Variants in PHACTR3 observed in about 807,000 individuals in gnomAD.
The protein encoded by PHACTR3 is protein phosphatase 1, regulatory subunit 123.
In PHACTR3, 16 loss-of-function variants were observed where a neutral mutation model predicts 66.8. That is an observed-to-expected ratio of 0.24 (90% CI 0.16 to 0.36). The LOEUF is 0.36. Ranked by LOEUF, PHACTR3 falls within the 10% of genes least tolerant of loss-of-function variation. PHACTR3 has a pLI of 1.00. For synonymous variants in PHACTR3, 323 were observed against 292.1 expected (o/e 1.11, Z -1.08); for missense variants, 647 against 719.9 (o/e 0.90, Z 1.16).
At chr20:59,739,307 C>G (rs1290995579) in intron 1 of PHACTR3, among the ~76,000 whole-genome samples, 1 of 152,192 alleles carries the variant, frequency 6.6e-6, no homozygotes, top group Non-Finnish European at 1.5e-5. Context: ...TGTGGAGCAT[C>G]TGTGGACACA....
At chr20:59,669,101 A>G (rs192209243) in intron 1 of PHACTR3, among the ~76,000 whole-genome samples, 88 of 152,084 alleles carry the variant, frequency 5.8e-4, no homozygotes, top group Non-Finnish European at 3.7e-4. Flanking sequence ...TGCCTCTGCC[A>G]TTTGCATGCT....
intron 7 of PHACTR3, among the ~76,000 whole-genome samples, chr20:59,782,746 G>T (rs1260641341): frequency 6.6e-6 from 1 of 152,044 alleles, no homozygotes; most frequent in Non-Finnish European, 1.5e-5. Flanking sequence ...TCTCCCATTG[G>T]GTCCCTCCCA....
intron 1 of PHACTR3, among the ~76,000 whole-genome samples, chr20:59,667,822 G>A (rs2036043495): frequency 6.6e-6 from 1 of 152,238 alleles, no homozygotes; most frequent in Non-Finnish European, 1.5e-5. Flanking sequence ...TGTGTCACGA[G>A]AAGGGGCAGG....
chr20:59,604,282 G>C (rs920607527), upstream of PHACTR3, among the ~76,000 whole-genome samples: 3 of 152,130 alleles, frequency 2.0e-5, no homozygotes, highest in African/African-American at 7.2e-5. Context: ...GGCTCTCAGG[G>C]TTCCCTTTCC....
intron 1 of PHACTR3, among the ~76,000 whole-genome samples, chr20:59,654,482 G>C (rs1285013454): frequency 6.6e-6 from 1 of 152,092 alleles, no homozygotes; most frequent in Admixed American, 6.5e-5. Flanking sequence ...TAACCTGAAT[G>C]TACTGATCTC....
At chr20:59,757,831 G>T (rs1258716208) in intron 4 of PHACTR3, among the ~76,000 whole-genome samples, 1 of 152,188 alleles carries the variant, frequency 6.6e-6, no homozygotes, top group East Asian at 1.9e-4. Flanking sequence ...TTAGCTGAGT[G>T]TGTGGGCACA....
In PHACTR3 at chr20:59,785,242, C is replaced by T. The variant is rs538183000; in HGVS notation, c.1174+10752C>T. Among the ~76,000 whole-genome samples the T allele has an allele frequency of 3.3e-5, 5 of 152,256 alleles. No individual in the cohort carries two copies. The East Asian group carries it at 5.8e-4, about 18-fold the overall frequency. ...GCCTCTCTCTGTGTCTTTATAGGGC[C>T]GTTCCCCTGTGTGCTGGTTGGTGAG... is the stretch of plus-strand genomic sequence containing the variant. On this transcript the variant is annotated intron_variant, in intron 7 of 12. Coordinates refer to ENST00000371015, the MANE Select transcript of PHACTR3 (RefSeq NM_080672.5).
At chr20:59,612,021 G>A (rs528438132) in intron 1 of PHACTR3, among the ~76,000 whole-genome samples, 23 of 152,278 alleles carry the variant, frequency 1.5e-4, no homozygotes, top group African/African-American at 4.3e-4. Context: ...TGGCCAAAGC[G>A]TGCCGGAGGG....
intron 8 of PHACTR3, among the ~76,000 whole-genome samples, chr20:59,828,870 G>A (rs1340293268): frequency 2.6e-5 from 4 of 152,122 alleles, no homozygotes; most frequent in African/African-American, 9.7e-5. Flanking sequence ...GGTGGACAGT[G>A]TGGAAGTCTC....
intron 7 of PHACTR3, among the ~76,000 whole-genome samples, chr20:59,785,150 C>T (rs1319773415): frequency 6.6e-6 from 1 of 152,164 alleles, no homozygotes; most frequent in African/African-American, 2.4e-5. Context: ...ATGCCTGAAA[C>T]GACAGACGTT....
intron 1 of PHACTR3, among the ~76,000 whole-genome samples, chr20:59,633,686 C>T (rs561614904): frequency 3.9e-4 from 60 of 152,106 alleles, no homozygotes; most frequent in Non-Finnish European, 6.9e-4. Flanking sequence ...TTTAATATTG[C>T]CTGGGTTTTT....
chr20:59,579,008 C>G (rs749307916), intron 1 of PHACTR3, among the ~76,000 whole-genome samples: 12 of 152,178 alleles, frequency 7.9e-5, no homozygotes, highest in Admixed American at 2.6e-4. Context: ...GGCAGAAGCC[C>G]CTCCCCCAGT....
intron 1 of PHACTR3, among the ~76,000 whole-genome samples, chr20:59,742,309 G>A (rs922156873): frequency 1.3e-5 from 2 of 152,208 alleles, no homozygotes; most frequent in African/African-American, 4.8e-5. Context: ...CCCTGTGGAC[G>A]GGTATGTAGG....
chr20:59,594,901 C>A (rs2033279667), intron 1 of PHACTR3, among the ~76,000 whole-genome samples: 1 of 152,078 alleles, frequency 6.6e-6, no homozygotes, highest in Admixed American at 6.6e-5. Context: ...TTAGATCTTT[C>A]TTCTTTTCTA....
chr20:59,842,885 CA>C (rs1219789878), intron 11 of PHACTR3, among the ~76,000 whole-genome samples: 1 of 151,958 alleles, frequency 6.6e-6, no homozygotes, highest in Non-Finnish European at 1.5e-5. Context: ...CTAGCCAGAG[CA>C]ATCGAGCAAC....
intron 1 of PHACTR3, among the ~76,000 whole-genome samples, chr20:59,678,098 C>G (rs370243536): frequency 1.5e-4 from 23 of 152,270 alleles, no homozygotes; most frequent in African/African-American, 5.5e-4. Flanking sequence ...TGAGCCGAGC[C>G]CATAGGTAGC....
Position 59,806,142 on chromosome 20 carries a change from A to G in PHACTR3, c.1276A>G (p.Thr426Ala). 6.2e-7 allele frequency: 1 copy of G among 1,614,252 alleles called. No homozygotes were observed. Residue 426 changes from threonine to alanine, a missense_variant, in exon 8 of 13, where the codon ACT (threonine) becomes GCT (alanine). By Grantham distance (58) the Thr-to-Ala change is moderately conservative. Transcript: ENST00000371015. ...LEDRNIFPRR[T>A]DEERQEIRQQ... is the part of the protein sequence containing the mutation. ...AGACCGGAACATTTTCCCCAGAAGG[A>G]CTGATGAAGAAAGACAGGAGATCCG...
At chr20:59,840,338 A>ATT (rs11479086) in intron 9 of PHACTR3, 31 bp from the exon 10 acceptor site, 90 of 1,500,538 alleles carry the variant, frequency 6.0e-5, no homozygotes, top group Middle Eastern at 1.8e-4. Context: ...TCTCTTTGTT[A>ATT]TTTTTTTTTT....
chr20:59,672,471 T>A (rs1418359822), intron 1 of PHACTR3, among the ~76,000 whole-genome samples: 1 of 152,200 alleles, frequency 6.6e-6, no homozygotes, highest in African/African-American at 2.4e-5. Flanking sequence ...GGGGAGGCCC[T>A]AGCCATGGGG....
Sources: gnomAD v4.1 joint callset for allele counts (sites outside exome capture counted in the v4.1 genomes callset) on GRCh38, gnomAD v4.1.1 for gene constraint, MANE v1.5 for transcripts, NCBI Gene and HGNC (gene_info 2026-07-23, HGNC 2026-07-21) for gene names.